CD8B: variants seen among roughly 807,000 people sequenced by gnomAD.
CD8B encodes the protein T-cell surface glycoprotein CD8 beta chain.
Under a neutral mutation model 24.2 loss-of-function variants are expected in CD8B, and 6 were observed. That is an observed-to-expected ratio of 0.25 (90% CI 0.14 to 0.49). The LOEUF (loss-of-function observed/expected upper bound fraction) is 0.49. Among genes scored for constraint, CD8B ranks in the 20% least tolerant of loss-of-function variants. CD8B has a pLI of 0.98. For missense variants in CD8B, 196 were observed against 271.3 expected (o/e 0.72, Z 1.95); for synonymous variants, 84 against 108.3 (o/e 0.78, Z 1.39).
chr2:86,839,903 C>T lies in CD8B; in HGVS notation c.*2404G>A, dbSNP rs577348397. Among the ~76,000 whole-genome samples the T allele has an allele frequency of 2.6e-4, 39 of 152,262 alleles. No homozygotes were observed. Among genetic ancestry groups the T allele is most frequent in the Admixed American group, 6.5e-4 (10 of 15,298 alleles). On this transcript the variant is annotated 3_prime_UTR_variant, in exon 6 of 6. Transcript: ENST00000390655. Reference sequence around the variant, plus strand: ...CCGGGTGAGGGGCCCACCTGAAACACGAACCCTAGAGGAGTCTGGTCCAGC... The same window carrying T: ...CCGGGTGAGGGGCCCACCTGAAACATGAACCCTAGAGGAGTCTGGTCCAGC...
chr2:86,836,204 C>A (rs1234055779), downstream of CD8B, among the ~76,000 whole-genome samples: 1 of 152,010 alleles, frequency 6.6e-6, no homozygotes, highest in East Asian at 1.9e-4. Context: ...CTTGTGGGGG[C>A]CTAAGGACTT....
chr2:86,853,779 C>T (rs1676093022), intron 2 of CD8B, among the ~76,000 whole-genome samples: 2 of 152,160 alleles, frequency 1.3e-5, no homozygotes. Context: ...GATCTCGGCT[C>T]ACTGCAACCT....
intron 5 of CD8B, among the ~76,000 whole-genome samples, chr2:86,817,282 G>A (rs927440407): frequency 1.3e-5 from 2 of 152,084 alleles, no homozygotes; most frequent in Middle Eastern, 3.2e-3. Context: ...AGATGCTCTG[G>A]CCCCAGAACT....
intron 5 of CD8B, among the ~76,000 whole-genome samples, chr2:86,825,078 G>C (rs186569879): frequency 1.2e-3 from 189 of 152,316 alleles, no homozygotes; most frequent in Middle Eastern, 6.8e-3. Flanking sequence ...TTCCTCCACA[G>C]CTCCTAAGGC....
intron 2 of CD8B, among the ~76,000 whole-genome samples, chr2:86,855,000 A>C (rs147172307): frequency 0.012 from 1,803 of 152,122 alleles, 43 homozygotes; most frequent in East Asian, 0.11. Context: ...ACGTGCCTGT[A>C]ATCCCAGCTA....
intron 5 of CD8B, among the ~76,000 whole-genome samples, chr2:86,830,745 G>A (rs1008635031): frequency 2.6e-5 from 4 of 151,970 alleles, no homozygotes; most frequent in Non-Finnish European, 5.9e-5. Context: ...TCCCAGCAGT[G>A]GATTATGAAT....
chr2:86,848,388 T>G (rs1322862819), intron 3 of CD8B, among the ~76,000 whole-genome samples: 1 of 152,250 alleles, frequency 6.6e-6, no homozygotes, highest in African/African-American at 2.4e-5. Context: ...ATGATTTTTC[T>G]TCTACGAGTT....
chr2:86,823,387 T>G (rs1674555016), intron 5 of CD8B, among the ~76,000 whole-genome samples: 2 of 152,142 alleles, frequency 1.3e-5, no homozygotes, highest in African/African-American at 4.8e-5. Flanking sequence ...TCAAGTGATC[T>G]TCACATCTCA....
intron 5 of CD8B, among the ~76,000 whole-genome samples, chr2:86,817,395 A>G (rs1674294800): frequency 6.6e-6 from 1 of 152,198 alleles, no homozygotes; most frequent in African/African-American, 2.4e-5. Context: ...TTATAAACTA[A>G]TATCTAATAG....
intron 5 of CD8B, chr2:86,822,303 C>G (rs761052893): frequency 1.9e-5 from 28 of 1,440,194 alleles, no homozygotes; most frequent in Non-Finnish European, 2.6e-5. Flanking sequence ...ATATCAGAAG[C>G]TATCAAAATG....
chr2:86,835,114 T>A (rs1675125345), downstream of CD8B, among the ~76,000 whole-genome samples: 2 of 152,184 alleles, frequency 1.3e-5, no homozygotes, highest in African/African-American at 4.8e-5. Flanking sequence ...GCTGGCGGAC[T>A]TTCTGATGGA....
intron 2 of CD8B, among the ~76,000 whole-genome samples, chr2:86,855,502 A>T (rs987424442): frequency 6.6e-6 from 1 of 152,212 alleles, no homozygotes; most frequent in Non-Finnish European, 1.5e-5. Flanking sequence ...CAGTATCTGC[A>T]CCAAAAGACC....
intron 3 of CD8B, among the ~76,000 whole-genome samples, chr2:86,849,434 G>A (rs1675862329): frequency 6.6e-6 from 1 of 151,830 alleles, no homozygotes; most frequent in South Asian, 2.1e-4. Flanking sequence ...AGCCAAGCAT[G>A]AAAGACCCCA....
At chr2:86,830,919 A>G (rs948792315) in intron 5 of CD8B, among the ~76,000 whole-genome samples, 1 of 152,190 alleles carries the variant, frequency 6.6e-6, no homozygotes, top group Non-Finnish European at 1.5e-5. Flanking sequence ...TATTAATTAA[A>G]TTACTAAATT....
chr2:86,824,758 G>A (rs961527639), intron 5 of CD8B, among the ~76,000 whole-genome samples: 2 of 152,124 alleles, frequency 1.3e-5, no homozygotes, highest in Admixed American at 1.3e-4. Context: ...GCCTTGTCTC[G>A]ACCTTGCTTA....
At chr2:86,823,903 C>T (rs1035805008) in intron 5 of CD8B, among the ~76,000 whole-genome samples, 6 of 151,964 alleles carry the variant, frequency 3.9e-5, no homozygotes, top group South Asian at 2.1e-4. Context: ...GGGGAGTGGT[C>T]CTGGAGAAGA....
At chr2:86,816,552 AC>A (rs1674253592) in intron 5 of CD8B, among the ~76,000 whole-genome samples, 1 of 152,210 alleles carries the variant, frequency 6.6e-6, no homozygotes, top group Non-Finnish European at 1.5e-5. Flanking sequence ...CACAAATAGA[AC>A]AATGAAAGAG....
chr2:86,837,891 G>C (rs569856017), downstream of CD8B, among the ~76,000 whole-genome samples: 2 of 152,212 alleles, frequency 1.3e-5, no homozygotes, highest in South Asian at 4.1e-4. Flanking sequence ...TCTCCTTCAG[G>C]GCAGAGAACC....
chr2:86,857,683 G>A (rs1322944637), intron 2 of CD8B, among the ~76,000 whole-genome samples: 1 of 152,012 alleles, frequency 6.6e-6, no homozygotes. Flanking sequence ...TCGCACCACT[G>A]CACCCCAGCC....
Sources: gnomAD v4.1 joint callset for allele counts (sites outside exome capture counted in the v4.1 genomes callset) on GRCh38, gnomAD v4.1.1 for gene constraint, MANE v1.5 for transcripts, NCBI Gene and HGNC (gene_info 2026-07-23, HGNC 2026-07-21) for gene names.